GRXCR1: variants seen among roughly 807,000 people sequenced by gnomAD.
The protein encoded by GRXCR1 is glutaredoxin domain-containing cysteine-rich protein 1.
Under a neutral mutation model 27.3 loss-of-function variants are expected in GRXCR1, and 27 were observed. The observed-to-expected ratio is 0.99, with a 90% confidence interval of 0.73 to 1.37. The LOEUF is 1.37. Among genes scored for constraint, GRXCR1 ranks in the 40% most tolerant of loss-of-function variants. The pLI is 0.00. For synonymous variants in GRXCR1, 122 were observed against 131.1 expected, an observed-to-expected ratio of 0.93 and a Z score of 0.47; for missense variants, 379 against 354.4, an observed-to-expected ratio of 1.07 and a Z score of -0.56.
intron 1 of GRXCR1, among the ~76,000 whole-genome samples, chr4:42,947,235 G>C (rs1747764092): frequency 6.6e-6 from 1 of 152,074 alleles, no homozygotes; most frequent in South Asian, 2.1e-4. Flanking sequence ...ACAAAGCTGA[G>C]AGACTCTGAG....
intron 1 of GRXCR1, among the ~76,000 whole-genome samples, chr4:42,909,330 T>C (rs998740524): frequency 6.6e-6 from 1 of 152,148 alleles, no homozygotes; most frequent in Admixed American, 6.6e-5. Flanking sequence ...CATAAAAAAT[T>C]AGTGAAGACT....
chr4:42,980,079 G>A (rs553175756), intron 2 of GRXCR1, among the ~76,000 whole-genome samples: 7 of 151,382 alleles, frequency 4.6e-5, no homozygotes, highest in African/African-American at 1.7e-4. Context: ...AAGGTTTGTT[G>A]ATTTTATTTT....
chr4:42,938,485 C>A (rs1339646520), intron 1 of GRXCR1, among the ~76,000 whole-genome samples: 2 of 151,804 alleles, frequency 1.3e-5, no homozygotes, highest in Non-Finnish European at 2.9e-5. Context: ...AGTTCCATAA[C>A]AGTTTTAGTC....
At chr4:42,951,055 A>G (rs928911995) in intron 1 of GRXCR1, among the ~76,000 whole-genome samples, 4 of 152,174 alleles carry the variant, frequency 2.6e-5, no homozygotes, top group African/African-American at 7.2e-5. Flanking sequence ...AGGAAATCCA[A>G]TGATGTAGTT....
chr4:42,988,307 C>T (rs1711845465), intron 2 of GRXCR1, among the ~76,000 whole-genome samples: 1 of 152,084 alleles, frequency 6.6e-6, no homozygotes, highest in Non-Finnish European at 1.5e-5. Flanking sequence ...CATCTGAGAG[C>T]ACTGATGCAG....
intron 1 of GRXCR1, among the ~76,000 whole-genome samples, chr4:42,951,412 T>C (rs1747879957): frequency 1.3e-5 from 2 of 152,178 alleles, no homozygotes; most frequent in African/African-American, 4.8e-5. Flanking sequence ...CCATCACAGC[T>C]ACTAACTGTC....
intron 2 of GRXCR1, among the ~76,000 whole-genome samples, chr4:42,974,086 C>A (rs1317379047): frequency 6.6e-6 from 1 of 152,074 alleles, no homozygotes; most frequent in Non-Finnish European, 1.5e-5. Flanking sequence ...GCAGGGTTTG[C>A]AGCAGAGAAA....
chr4:42,985,565 T>A (rs561524946), intron 2 of GRXCR1, among the ~76,000 whole-genome samples: 2 of 152,162 alleles, frequency 1.3e-5, no homozygotes, highest in South Asian at 4.1e-4. Flanking sequence ...CTATTTCTGT[T>A]TTTATGAGCA....
chr4:42,916,092 C>A (rs1266291419), intron 1 of GRXCR1, among the ~76,000 whole-genome samples: 2 of 79,386 alleles, frequency 2.5e-5, no homozygotes, highest in African/African-American at 4.4e-5. Flanking sequence ...TTTCTTACAT[C>A]ATTTCAGAAA....
chr4:42,935,790 T>G (rs1223631777), intron 1 of GRXCR1, among the ~76,000 whole-genome samples: 1 of 151,906 alleles, frequency 6.6e-6, no homozygotes, highest in Non-Finnish European at 1.5e-5. Flanking sequence ...TCTTAATGCG[T>G]TTTATTACTT....
At chr4:42,987,222 T>TTATATA (rs1553943891) in intron 2 of GRXCR1, among the ~76,000 whole-genome samples, 34 of 100,570 alleles carry the variant, frequency 3.4e-4, no homozygotes, top group African/African-American at 1.2e-3. Context: ...TATATATATA[T>TTATATA]TATATATTAT....
intron 2 of GRXCR1, among the ~76,000 whole-genome samples, chr4:42,982,707 TC>T (rs1455061919): frequency 6.9e-6 from 1 of 144,006 alleles, no homozygotes; most frequent in Non-Finnish European, 1.5e-5. Context: ...CCACATCCTC[TC>T]CAGCACCTGT....
rs139938387 is a variant in GRXCR1 at position 42,991,626 on chromosome 4, A to G, written c.627+28492A>G. Among the ~76,000 whole-genome samples the G allele has an allele frequency of 5.2e-3, 793 of 152,210 alleles. 6 individuals carry two copies. Among genetic ancestry groups the G allele is most frequent in the African/African-American group, 0.018 (761 of 41,540 alleles). On this transcript the variant is annotated intron_variant, in intron 2 of 3. Coordinates refer to ENST00000399770, the MANE Select transcript of GRXCR1 (RefSeq NM_001080476.3). ...CCAGGAGTTCTTTGAAACATTGTCT[A>G]CCAAGTGTAACTGCCATTGTTATGG...
At chr4:42,925,062 A>AG (rs552840403) in intron 1 of GRXCR1, among the ~76,000 whole-genome samples, 71 of 129,894 alleles carry the variant, frequency 5.5e-4, no homozygotes, top group African/African-American at 2.2e-3. Context: ...CATGAAAGAG[A>AG]AAAAAAAAAA....
chr4:42,906,004 C>T (rs1032291105), intron 1 of GRXCR1, among the ~76,000 whole-genome samples: 13 of 152,242 alleles, frequency 8.5e-5, no homozygotes, highest in Non-Finnish European at 1.6e-4. Context: ...ATGACAAAAG[C>T]GTTTTATAGT....
chr4:42,897,440 A>G (rs1006080834), intron 1 of GRXCR1, among the ~76,000 whole-genome samples: 1 of 152,224 alleles, frequency 6.6e-6, no homozygotes, highest in South Asian at 2.1e-4. Flanking sequence ...CAAAGAAGGA[A>G]AATAATTACA....
At chr4:42,929,198 A>G (rs996975166) in intron 1 of GRXCR1, among the ~76,000 whole-genome samples, 1 of 151,906 alleles carries the variant, frequency 6.6e-6, no homozygotes, top group Non-Finnish European at 1.5e-5. Flanking sequence ...AAGAGCAATC[A>G]CTTTGCAAAT....
chr4:43,001,784 C>T (rs372857699), intron 2 of GRXCR1, among the ~76,000 whole-genome samples: 52 of 152,156 alleles, frequency 3.4e-4, no homozygotes, highest in South Asian at 1.0e-3. Flanking sequence ...GGACCTGCAC[C>T]GGCACCGACC....
At chr4:42,918,826 T>C (rs1008094931) in intron 1 of GRXCR1, among the ~76,000 whole-genome samples, 1 of 152,100 alleles carries the variant, frequency 6.6e-6, no homozygotes, top group Non-Finnish European at 1.5e-5. Context: ...ATCCTGTAGA[T>C]AGAAGAGCTC....
Sources: allele counts gnomAD v4.1 joint callset (sites outside exome capture counted in the v4.1 genomes callset), GRCh38; gene constraint gnomAD v4.1.1; transcripts MANE v1.5; gene names NCBI Gene and HGNC (gene_info 2026-07-23, HGNC 2026-07-21).